Variants in EFNB3 observed in about 807,000 individuals in gnomAD.
EFNB3 encodes ephrin-B3.
EFNB3 carries 14 observed loss-of-function variants against 29.8 expected under a neutral mutation model. That is an observed-to-expected ratio of 0.47 (90% confidence interval 0.31 to 0.73). EFNB3 has a LOEUF of 0.73. Ranked by LOEUF, EFNB3 falls within the 30% of genes least tolerant of loss-of-function variation. EFNB3 has a pLI of 0.05. For missense variants in EFNB3, 408 were observed against 458.0 expected (o/e 0.89, Z 1.00); for synonymous variants, 216 against 191.6 (o/e 1.13, Z -1.05).
In EFNB3 at chr17:7,709,207, C is replaced by A; in HGVS notation, c.654C>A (p.Gly218=). 6.2e-7 allele frequency: 1 copy of A among 1,603,058 alleles called. No homozygotes were observed. Among genetic ancestry groups the A allele is most frequent in the Non-Finnish European group, 8.5e-7 (1 of 1,177,894 alleles). The change falls in exon 5 of 5, where the codon GGC becomes GGA. Residue 218 remains glycine, a synonymous_variant. Coordinates refer to ENST00000226091, the MANE Select transcript of EFNB3 (RefSeq NM_001406.4). The surrounding 1 kb of genome is among the most constrained non-coding windows in gnomAD (Gnocchi z 4.5). ...TSNATSRGAE[G]PLPPPSMPAV... is the part of the protein sequence containing the mutation. ...ATGCAACCTCCCGGGGTGCTGAAGG[C>A]CCCCTGCCCCCTCCCAGCATGCCTG...
In EFNB3 at chr17:7,709,421, C is replaced by A; in HGVS notation, c.868C>A (p.Pro290Thr). ...TGGGATGGGACCTCGGGAGGCTGAGCCTGGGGAGCTAGGGATAGCTCTGCG... is the reference window on the plus strand; with the variant it reads ...TGGGATGGGACCTCGGGAGGCTGAGACTGGGGAGCTAGGGATAGCTCTGCG... ...GGGMGPREAE[P>T]GELGIALRGG... Residue 290 changes from proline (P) to threonine (T), a missense_variant, in exon 5 of 5, where the codon CCT becomes ACT. Physicochemically the swap from Pro to Thr is conservative, Grantham distance 38. This residue lies in a region of EFNB3 where 233 missense variants were observed against 230.7 expected (regional missense o/e 1.01). Transcript: ENST00000226091. This position sits in a 1 kb window ranked among gnomAD's most constrained non-coding sequence, Gnocchi z 4.5. The A allele has an allele frequency of 6.2e-7, 1 of 1,610,486 alleles. No homozygotes were observed.
At position 7,705,403 on chromosome 17, in the gene EFNB3, CCTGGAAGGGCT is replaced by C. The variant is rs1429843143; in HGVS notation, c.-191_-181del. 47 of 420,516 alleles carry C rather than the reference CCTGGAAGGGCT, an allele frequency of 1.1e-4. No homozygotes were observed. Among genetic ancestry groups the C allele is most frequent in the Non-Finnish European group, 5.9e-5 (14 of 238,972 alleles). The allele number at this position is 420,516 out of a possible 1,614,324, so 26.0% of individuals were successfully genotyped here. A position where few individuals can be genotyped will look rare whatever the true frequency, so the allele number is the denominator to read the frequency against. ...GCGCGTAGGGCGCCTGCAGACGGCCCCTGGAAGGGCTCTGGTGGGGCTGAGCGCTCTGCCGC... is the reference window on the plus strand; with the variant it reads ...GCGCGTAGGGCGCCTGCAGACGGCCCCTGGTGGGGCTGAGCGCTCTGCCGC... On this transcript the variant is annotated 5_prime_UTR_variant, in exon 1 of 5. Transcript: ENST00000226091. This position sits in a 1 kb window ranked among gnomAD's most constrained non-coding sequence, Gnocchi z 5.4.
At position 7,709,797 on chromosome 17, in the gene EFNB3, C is replaced by T; in HGVS notation, c.*221C>T. The T allele has an allele frequency of 1.6e-6, 1 of 612,042 alleles. No individual in the cohort carries two copies. The highest frequency in any genetic ancestry group is 2.9e-6 in the Non-Finnish European group (1 of 347,228). 37.9% of individuals were successfully genotyped at this position (612,042 alleles called of 1,614,324 possible). A position where few individuals can be genotyped will look rare whatever the true frequency, so the allele number is the denominator to read the frequency against. ...TTTGGCCATGGGTGCCCCCCTCTGT[C>T]TCAGTGTCCCTGGATCCTTTTTCCT... On this transcript the variant is annotated 3_prime_UTR_variant, in exon 5 of 5. Coordinates refer to ENST00000226091, the MANE Select transcript of EFNB3 (RefSeq NM_001406.4). This position sits in a 1 kb window ranked among gnomAD's most constrained non-coding sequence, Gnocchi z 4.5.
rs1307563417 is a variant in EFNB3 at position 7,709,279 on chromosome 17, G to A, written c.726G>A (p.Val242=). 1.0e-5 allele frequency: 16 copies of A among 1,582,890 alleles called. No individual in the cohort carries two copies. The highest frequency in any genetic ancestry group is 2.2e-5 in the East Asian group (1 of 44,482). ...GGCTGGCGCTGCTCTTGCTGGGCGTGGCAGGGGCTGGGGGTGCCATGTGTT... is the reference window on the plus strand; with the variant it reads ...GGCTGGCGCTGCTCTTGCTGGGCGTAGCAGGGGCTGGGGGTGCCATGTGTT... ...AGGLALLLLG[V]AGAGGAMCWR... The change falls in exon 5 of 5, where the codon GTG becomes GTA. Residue 242 remains valine, a synonymous_variant. Coordinates refer to ENST00000226091, the MANE Select transcript of EFNB3 (RefSeq NM_001406.4). This position sits in a 1 kb window ranked among gnomAD's most constrained non-coding sequence, Gnocchi z 4.5.
At chr17:7,706,776 G>A (rs927066207) in intron 1 of EFNB3, among the ~76,000 whole-genome samples, 1 of 152,154 alleles carries the variant, frequency 6.6e-6, no homozygotes, top group African/African-American at 2.4e-5. Context: ...GAGGATTAGC[G>A]GTAAGGTGTT....
Position 7,709,879 on chromosome 17 carries a change from C to T in EFNB3, c.*303C>T. On this transcript the variant is annotated 3_prime_UTR_variant, in exon 5 of 5. Transcript: ENST00000226091. The surrounding 1 kb of genome is among the most constrained non-coding windows in gnomAD (Gnocchi z 4.5). The stretch of plus-strand genomic sequence containing the variant: ...GACCATGACCCAGGCATCCTTGTCC[C>T]CCTCACCCACCCAGAGCTAGGGGCG... 1 of 492,500 alleles carries T rather than the reference C, an allele frequency of 2.0e-6. No individual in the cohort carries two copies. The highest frequency in any genetic ancestry group is 2.4e-5 in the South Asian group (1 of 42,084). The allele number at this position is 492,500 out of a possible 1,614,324, so 30.5% of individuals were successfully genotyped here. A position where few individuals can be genotyped will look rare whatever the true frequency, so the allele number is the denominator to read the frequency against.
Position 7,709,298 on chromosome 17 carries a change from A to G in EFNB3, c.745A>G (p.Met249Val), listed in dbSNP as rs954849989. 1.1e-5 allele frequency: 17 copies of G among 1,564,990 alleles called. No individual in the cohort carries two copies. The highest frequency in any genetic ancestry group is 1.4e-5 in the Non-Finnish European group (16 of 1,158,270). ...GGGCGTGGCAGGGGCTGGGGGTGCC[A>G]TGTGTTGGCGGAGACGGCGGGCCAA... The part of the protein sequence containing the change: ...LLGVAGAGGA[M>V]CWRRRRAKPS... The change falls in exon 5 of 5, where the codon ATG becomes GTG. Residue 249 changes from methionine (M) to valine (V), a missense_variant. By Grantham distance (21) the Met-to-Val change is conservative. Around this residue, in one of 3 missense-constraint regions of EFNB3, gnomAD observed 233 missense variants for 230.7 expected, o/e 1.01. Transcript: ENST00000226091. This position sits in a 1 kb window ranked among gnomAD's most constrained non-coding sequence, Gnocchi z 4.5.
rs767930210 is a variant in EFNB3, at chr17:7,705,625, G to A, written c.27G>A (p.Gly9=). MGPPHSGP[G]GVRVGALLLL... is the part of the protein sequence containing the mutation. ...TGGGGCCCCCCCATTCTGGGCCGGG[G>A]GGCGTGCGAGTCGGGGCCCTGCTGC... is the stretch of plus-strand genomic sequence containing the variant. The change falls in exon 1 of 5, where the codon GGG becomes GGA. Residue 9 remains glycine (G), a synonymous_variant. Coordinates refer to ENST00000226091, the MANE Select transcript of EFNB3 (RefSeq NM_001406.4). The surrounding 1 kb of genome is among the most constrained non-coding windows in gnomAD (Gnocchi z 5.4). The A allele has an allele frequency of 3.3e-6, 5 of 1,509,904 alleles. No individual in the cohort carries two copies. The highest frequency in any genetic ancestry group is 4.4e-6 in the Non-Finnish European group (5 of 1,144,706). The allele number at this position is 1,509,904 out of a possible 1,614,324, so 93.5% of individuals were successfully genotyped here.
At position 7,708,624 on chromosome 17, in the gene EFNB3, C is replaced by T; in HGVS notation, c.509-11C>T. The T allele has an allele frequency of 1.3e-6, 2 of 1,580,314 alleles. No homozygotes were observed. The highest frequency in any genetic ancestry group is 1.7e-6 in the Non-Finnish European group (2 of 1,162,218). On this transcript the variant is annotated splice_polypyrimidine_tract_variant and intron_variant, in intron 3 of 4. Transcript: ENST00000226091. This position sits in a 1 kb window ranked among gnomAD's most constrained non-coding sequence, Gnocchi z 6.8. Reference sequence around the variant, plus strand: ...TGTCTCAGCCCCTCTCTGGGTCTTCCTCATCTCCAGGTCCCCGAGGAGGGG... The same window carrying T: ...TGTCTCAGCCCCTCTCTGGGTCTTCTTCATCTCCAGGTCCCCGAGGAGGGG...
rs1240690444 is a variant in EFNB3 at position 7,711,081 on chromosome 17, C to T, written c.*1505C>T. On this transcript the variant is annotated 3_prime_UTR_variant, in exon 5 of 5. Transcript: ENST00000226091. ...CCTCTAGTGTGCAATTGGGTGTTGCCTCAGTTTCCTCCCAGCTCAGTTTTA... is the reference window on the plus strand; with the variant it reads ...CCTCTAGTGTGCAATTGGGTGTTGCTTCAGTTTCCTCCCAGCTCAGTTTTA... 2.6e-5 allele frequency: 4 copies of T among 152,662 alleles called. No individual in the cohort carries two copies. Among genetic ancestry groups the T allele is most frequent in the Non-Finnish European group, 5.9e-5 (4 of 68,072 alleles). 9.5% of individuals were successfully genotyped at this position (152,662 alleles called of 1,614,324 possible).
At position 7,709,947 on chromosome 17, in the gene EFNB3, C is replaced by G. The variant is rs2074343799; in HGVS notation, c.*371C>G. 2 of 372,524 alleles carry G rather than the reference C, an allele frequency of 5.4e-6. No individual in the cohort carries two copies. Among genetic ancestry groups the G allele is most frequent in the African/African-American group, 4.4e-5 (2 of 45,868 alleles). The allele number at this position is 372,524 out of a possible 1,614,324, so 23.1% of individuals were successfully genotyped here. A position where few individuals can be genotyped will look rare whatever the true frequency, so the allele number is the denominator to read the frequency against. On this transcript the variant is annotated 3_prime_UTR_variant, in exon 5 of 5. Transcript: ENST00000226091. The surrounding 1 kb of genome is among the most constrained non-coding windows in gnomAD (Gnocchi z 4.5). ...GGTTGGCACCGCCTTCTTTCTGCCT[C>G]TCACTGGTTTTCTCTTCTCTATCTC... is the stretch of plus-strand genomic sequence containing the variant.
At position 7,708,796 on chromosome 17, in the gene EFNB3, A is replaced by G; in HGVS notation, c.613+57A>G. On this transcript the variant is annotated intron_variant, in intron 4 of 4. Coordinates refer to ENST00000226091, the MANE Select transcript of EFNB3 (RefSeq NM_001406.4). The surrounding 1 kb of genome is among the most constrained non-coding windows in gnomAD (Gnocchi z 6.8). ...CCAGCTTCCTCTGCTCTCAGACCCC[A>G]GCTGCCCTGCCGTCACCCTCCCTCC... 2 of 1,443,200 alleles carry G rather than the reference A, an allele frequency of 1.4e-6. No individual in the cohort carries two copies. The highest frequency in any genetic ancestry group is 2.7e-5 in the South Asian group (2 of 73,092). The allele number at this position is 1,443,200 out of a possible 1,614,324, so 89.4% of individuals were successfully genotyped here. A position where few individuals can be genotyped will look rare whatever the true frequency, so the allele number is the denominator to read the frequency against.
Position 7,710,781 on chromosome 17 carries a change from A to G in EFNB3, c.*1205A>G, listed in dbSNP as rs2074347099. ...TTTTAGGACAGCTAAGATGACTGCC[A>G]TGTGCTGTGGCAGGCCTAATTTGTC... On this transcript the variant is annotated 3_prime_UTR_variant, in exon 5 of 5. Coordinates refer to ENST00000226091, the MANE Select transcript of EFNB3 (RefSeq NM_001406.4). 6.5e-6 allele frequency: 1 copy of G among 152,682 alleles called. No homozygotes were observed. The highest frequency in any genetic ancestry group is 2.4e-5 in the African/African-American group (1 of 41,452). 9.5% of individuals were successfully genotyped at this position (152,682 alleles called of 1,614,324 possible). A position where few individuals can be genotyped will look rare whatever the true frequency, so the allele number is the denominator to read the frequency against.
chr17:7,709,758 T>G lies in EFNB3; in HGVS notation c.*182T>G. The G allele has an allele frequency of 1.5e-6, 1 of 688,596 alleles. No homozygotes were observed. 42.7% of individuals were successfully genotyped at this position (688,596 alleles called of 1,614,324 possible). On this transcript the variant is annotated 3_prime_UTR_variant, in exon 5 of 5. Coordinates refer to ENST00000226091, the MANE Select transcript of EFNB3 (RefSeq NM_001406.4). The surrounding 1 kb of genome is among the most constrained non-coding windows in gnomAD (Gnocchi z 4.5). ...TTCCTTAGGATTCCCACTGCCCCAC[T>G]TCCTGCCCTCCCGTTTGGCCATGGG...
intron 1 of EFNB3, among the ~76,000 whole-genome samples, chr17:7,706,637 G>A (rs1276333034): frequency 6.6e-6 from 1 of 152,204 alleles, no homozygotes; most frequent in Non-Finnish European, 1.5e-5. Flanking sequence ...GAGGCCATGG[G>A]AAGGGGGTGG....
Position 7,708,694 on chromosome 17 carries a change from C to T in EFNB3, c.568C>T (p.Arg190Ter). The change falls in exon 4 of 5, where the codon CGA becomes TGA. Residue 190 changes from arginine to a stop codon, truncating the protein, a stop_gained. Transcript: ENST00000226091. LOFTEE classifies it high-confidence loss of function. The surrounding 1 kb of genome is among the most constrained non-coding windows in gnomAD (Gnocchi z 6.8). ...GTCTGAAATGCCCATGGAAAGAGAC[C>T]GAGGGGCAGCCCACAGCCTGGAGCC... is the stretch of plus-strand genomic sequence containing the variant. ...PVSEMPMERD[R>*]GAAHSLEPGK... is the part of the protein sequence containing the mutation. 2 of 1,578,206 alleles carry T rather than the reference C, an allele frequency of 1.3e-6. No individual in the cohort carries two copies. The highest frequency in any genetic ancestry group is 1.7e-6 in the Non-Finnish European group (2 of 1,161,260).
chr17:7,705,810 G>A lies in EFNB3; in HGVS notation c.122+90G>A. ...TTGGAGGCGGGCTTCTGTGGGCAGG[G>A]AGGAGGCGGGAGGGAAGGTGCTGGT... On this transcript the variant is annotated intron_variant, in intron 1 of 4. Transcript: ENST00000226091. This position sits in a 1 kb window ranked among gnomAD's most constrained non-coding sequence, Gnocchi z 5.4. The A allele has an allele frequency of 6.9e-7, 1 of 1,443,568 alleles. No homozygotes were observed. Among genetic ancestry groups the A allele is most frequent in the Non-Finnish European group, 9.2e-7 (1 of 1,090,652 alleles). 89.4% of individuals were successfully genotyped at this position (1,443,568 alleles called of 1,614,324 possible). A position where few individuals can be genotyped will look rare whatever the true frequency, so the allele number is the denominator to read the frequency against.
rs1283626529 is a variant in EFNB3 at position 7,708,133 on chromosome 17, C to T, written c.298C>T (p.Leu100Phe). The change falls in exon 2 of 5, where the codon CTC becomes TTC. Residue 100 changes from leucine to phenylalanine, a missense_variant. Coordinates refer to ENST00000226091, the MANE Select transcript of EFNB3 (RefSeq NM_001406.4). This position sits in a 1 kb window ranked among gnomAD's most constrained non-coding sequence, Gnocchi z 6.8. ...RRCEAPPAPN[L>F]LLTCDRPDLD... is the part of the protein sequence containing the mutation. ...CTGTGAGGCACCCCCTGCCCCAAAC[C>T]TCCTTCTCACTTGTGATCGCCCAGA... 6.2e-7 allele frequency: 1 copy of T among 1,614,042 alleles called. No individual in the cohort carries two copies. The highest frequency in any genetic ancestry group is 2.2e-5 in the East Asian group (1 of 44,884).
Position 7,705,621 on chromosome 17 carries a change from C to CG in EFNB3, c.29dup (p.Val11ArgfsTer30). The CG allele has an allele frequency of 3.3e-6, 5 of 1,501,688 alleles. No homozygotes were observed. The highest frequency in any genetic ancestry group is 2.7e-5 in the East Asian group (1 of 37,590). 93.0% of individuals were successfully genotyped at this position (1,501,688 alleles called of 1,614,324 possible). ...GTCATGGGGCCCCCCCATTCTGGGC[C>CG]GGGGGGCGTGCGAGTCGGGGCCCTG... is the stretch of plus-strand genomic sequence containing the variant. On this transcript the variant is annotated frameshift_variant, in exon 1 of 5. Coordinates refer to ENST00000226091, the MANE Select transcript of EFNB3 (RefSeq NM_001406.4). LOFTEE classifies it high-confidence loss of function. This position sits in a 1 kb window ranked among gnomAD's most constrained non-coding sequence, Gnocchi z 5.4.
Sources: allele counts gnomAD v4.1 joint callset (sites outside exome capture counted in the v4.1 genomes callset), GRCh38; gene constraint gnomAD v4.1.1; regional missense constraint gnomAD v4.1.1; non-coding constraint Gnocchi (gnomAD v3.1); transcripts MANE v1.5; gene names NCBI Gene and HGNC (gene_info 2026-07-23, HGNC 2026-07-21).